Variants in ARRB1 observed in about 807,000 individuals in gnomAD.
ARRB1 encodes the protein beta-arrestin-1.
In ARRB1, 21 loss-of-function variants were observed where a neutral mutation model predicts 56.8. The observed-to-expected ratio is 0.37, with a 90% CI of 0.26 to 0.53. The LOEUF (loss-of-function observed/expected upper bound fraction) is 0.53. Ranked by LOEUF, ARRB1 falls within the 20% of genes least tolerant of loss-of-function variation. ARRB1 has a pLI of 0.88. For synonymous variants in ARRB1, 210 were observed against 218.6 expected, an observed-to-expected ratio of 0.96 and a Z score of 0.35; for missense variants, 424 against 553.7, an observed-to-expected ratio of 0.77 and a Z score of 2.35.
At chr11:75,335,872 G>A (rs924097903) in intron 1 of ARRB1, among the ~76,000 whole-genome samples, 35 of 152,218 alleles carry the variant, frequency 2.3e-4, no homozygotes, top group African/African-American at 8.2e-4. Flanking sequence ...TCCTGGAGGT[G>A]AGCAGGGCAA....
rs964536343 is a variant in ARRB1 at position 75,263,009 on chromosome 11, G to C, written c.*3154C>G. 6.6e-6 allele frequency among the ~76,000 whole-genome samples: 1 copy of C among 152,148 alleles called. No homozygotes were observed. Among genetic ancestry groups the C allele is most frequent in the Non-Finnish European group, 1.5e-5 (1 of 68,020 alleles). On this transcript the variant is annotated 3_prime_UTR_variant, in exon 16 of 16. Transcript: ENST00000420843. ...TCTCTGCTCGGTGGGTTTTCACCGG[G>C]GCATGCTTTTCCTTCCTGCCCGGAC...
At chr11:75,329,664 G>A (rs999715410) in intron 1 of ARRB1, among the ~76,000 whole-genome samples, 3 of 152,094 alleles carry the variant, frequency 2.0e-5, no homozygotes, top group Non-Finnish European at 4.4e-5. Flanking sequence ...TCCTCAGAGG[G>A]TTTCTGACAT....
At chr11:75,350,559 G>C (rs1008147422) in intron 1 of ARRB1, among the ~76,000 whole-genome samples, 1 of 152,146 alleles carries the variant, frequency 6.6e-6, no homozygotes, top group Non-Finnish European at 1.5e-5. Flanking sequence ...GCCCCCAGGG[G>C]CTGTCCTGCT....
intron 1 of ARRB1, among the ~76,000 whole-genome samples, chr11:75,297,954 T>G (rs1229623945): frequency 2.5e-5 from 1 of 40,640 alleles, no homozygotes; most frequent in Non-Finnish European, 4.3e-5. Context: ...CAGAAAACGT[T>G]AAGTGTAAGT....
intron 1 of ARRB1, among the ~76,000 whole-genome samples, chr11:75,311,806 T>A (rs1487667364): frequency 6.6e-6 from 1 of 152,094 alleles, no homozygotes; most frequent in African/African-American, 2.4e-5. Flanking sequence ...AAGTGGGGGA[T>A]TCCTGAATTC....
intron 11 of ARRB1, 71 bp downstream of exon 11, chr11:75,274,003 G>T: frequency 1.2e-6 from 2 of 1,603,682 alleles, no homozygotes; most frequent in South Asian, 2.2e-5. Context: ...TGAACTGGGG[G>T]GACCAAGGAG....
At chr11:75,269,098 C>T in intron 13 of ARRB1, 139 bp from the exon 14 acceptor site, 1 of 889,110 alleles carries the variant, frequency 1.1e-6, no homozygotes, top group Non-Finnish European at 1.8e-6. Context: ...CCTCCAGCCC[C>T]AGTTCTGCCA....
rs528363377 is a variant in ARRB1 at position 75,261,644 on chromosome 11, G to T, written c.*4519C>A. 2.6e-5 allele frequency: 4 copies of T among 152,334 alleles called. No individual in the cohort carries two copies. The East Asian group carries it at 7.8e-4, about 30-fold the overall frequency. The allele number at this position is 152,334 out of a possible 1,614,324, so 9.4% of individuals were successfully genotyped here. On this transcript the variant is annotated 3_prime_UTR_variant, in exon 16 of 16. Transcript: ENST00000420843. The stretch of plus-strand genomic sequence containing the variant: ...TGGGGTGACGAGTTGGAGTGTGATG[G>T]GGGGAGGATGTTTCCCCTTCAACAG...
intron 1 of ARRB1, among the ~76,000 whole-genome samples, chr11:75,342,771 T>C (rs1348276190): frequency 6.6e-6 from 1 of 152,068 alleles, no homozygotes; most frequent in Non-Finnish European, 1.5e-5. Flanking sequence ...GGAAGTAGGA[T>C]TGGACCAAGT....
intron 4 of ARRB1, among the ~76,000 whole-genome samples, chr11:75,283,912 C>A (rs1011774103): frequency 2.6e-5 from 4 of 152,102 alleles, no homozygotes; most frequent in African/African-American, 7.2e-5. Flanking sequence ...AGTCTGCACT[C>A]TTGTCTTCCT....
chr11:75,272,887 G>A lies in ARRB1; in HGVS notation c.998+8C>T, dbSNP rs1327683114. 1 of 1,613,748 alleles carries A rather than the reference G, an allele frequency of 6.2e-7. No individual in the cohort carries two copies. Among genetic ancestry groups the A allele is most frequent in the African/African-American group, 1.3e-5 (1 of 74,892 alleles). On this transcript the variant is annotated splice_region_variant and intron_variant, in intron 12 of 15. Transcript: ENST00000420843. ...CTCCGGGGTCTTGGGCTTGGCTGGA[G>A]CACTCACCCGCCCCGAGACACCACC...
At chr11:75,308,915 A>G (rs1354020314) in intron 1 of ARRB1, among the ~76,000 whole-genome samples, 1 of 152,182 alleles carries the variant, frequency 6.6e-6, no homozygotes, top group Non-Finnish European at 1.5e-5. Context: ...TTTAAGACAT[A>G]CCATTTGTTA....
chr11:75,297,912 A>G (rs922103082), intron 1 of ARRB1, among the ~76,000 whole-genome samples: 6 of 141,558 alleles, frequency 4.2e-5, no homozygotes, highest in Non-Finnish European at 7.5e-5. Context: ...CCAAAGACCT[A>G]AATGTAAAAG....
chr11:75,274,210 C>T lies in ARRB1; in HGVS notation c.778G>A (p.Asp260Asn), dbSNP rs146392350. 8 of 1,613,894 alleles carry T rather than the reference C, an allele frequency of 5.0e-6. No individual in the cohort carries two copies. In the African/African-American group the frequency reaches 9.3e-5, roughly 19 times the overall value. Residue 260 changes from aspartate to asparagine, a missense_variant and splice_region_variant, in exon 11 of 16, where the codon GAC becomes AAC. By Grantham distance (23) the Asp-to-Asn change is conservative. Around this residue, in one of 3 missense-constraint regions of ARRB1, gnomAD observed 301 missense variants for 387.9 expected, o/e 0.78. Transcript: ENST00000420843. ...AACGTCGAGCTGGGTGCCACAGTGT[C>T]ACTGGGAAGAAAGGAAGCAGCTGTG... Reference protein sequence around the residue: ...KCPVAMEEADDTVAPSSTFCK... With the variant: ...KCPVAMEEADNTVAPSSTFCK...
intron 10 of ARRB1, chr11:75,274,460 A>G: frequency 2.0e-6 from 1 of 504,618 alleles, no homozygotes; most frequent in Non-Finnish European, 3.6e-6. Flanking sequence ...AGATTATCCT[A>G]GTCAAGCAGC....
Position 75,282,031 on chromosome 11 carries a change from A to G in ARRB1, c.355-10T>C. The G allele has an allele frequency of 2.5e-6, 4 of 1,614,050 alleles. No individual in the cohort carries two copies. Among genetic ancestry groups the G allele is most frequent in the Non-Finnish European group, 3.4e-6 (4 of 1,179,920 alleles). On this transcript the variant is annotated splice_polypyrimidine_tract_variant and intron_variant, in intron 5 of 15. Coordinates refer to ENST00000420843, the MANE Select transcript of ARRB1 (RefSeq NM_004041.5). ...GAAGGTTTGGAGGGATCTGTCAAGA[A>G]GAGGACAGAACGAGCCACCTGTCAC...
chr11:75,267,516 G>A (rs1945951952), intron 15 of ARRB1, 136 bp downstream of exon 15: 1 of 842,310 alleles, frequency 1.2e-6, no homozygotes, highest in Non-Finnish European at 1.9e-6. Context: ...CTGAAGAGGC[G>A]AGCAGAGGTG....
At chr11:75,326,893 G>C (rs1488747239) in intron 1 of ARRB1, among the ~76,000 whole-genome samples, 2 of 151,856 alleles carry the variant, frequency 1.3e-5, no homozygotes, top group African/African-American at 2.4e-5. Flanking sequence ...TTTTAGTAGA[G>C]ATAGAGTTTT....
At chr11:75,324,231 C>A (rs1947392865) in intron 1 of ARRB1, among the ~76,000 whole-genome samples, 3 of 152,192 alleles carry the variant, frequency 2.0e-5, no homozygotes, top group Admixed American at 6.5e-5. Flanking sequence ...CCCGCGCCCT[C>A]CCCCCAGGTC....
Sources: allele counts gnomAD v4.1 joint callset (sites outside exome capture counted in the v4.1 genomes callset), GRCh38; gene constraint gnomAD v4.1.1; regional missense constraint gnomAD v4.1.1; transcripts MANE v1.5; gene names NCBI Gene and HGNC (gene_info 2026-07-23, HGNC 2026-07-21).